Variants in NDUFAF6 observed in about 807,000 individuals in gnomAD.
NDUFAF6 encodes the protein NADH dehydrogenase (ubiquinone) complex I, assembly factor 6.
In NDUFAF6, 45 loss-of-function variants were observed where a neutral mutation model predicts 40.8. The ratio of observed to expected loss-of-function variants is 1.10; its 90% confidence interval spans 0.87 to 1.42. The LOEUF (loss-of-function observed/expected upper bound fraction) is 1.42. Ranked by LOEUF, NDUFAF6 falls within the 40% of genes most tolerant of loss-of-function variation. The probability of loss-of-function intolerance (pLI) is 0.00; values close to 1 mark genes in which losing one functional copy is unlikely to be tolerated. For synonymous variants in NDUFAF6, 185 were observed against 155.9 expected (o/e 1.19, Z -1.39); for missense variants, 435 against 418.5 (o/e 1.04, Z -0.34).
At chr8:94,937,628 C>CCACAT (rs1563728112) in intron 1 of NDUFAF6, among the ~76,000 whole-genome samples, 1 of 151,984 alleles carries the variant, frequency 6.6e-6, no homozygotes, top group East Asian at 1.9e-4. Flanking sequence ...TTTTTCTTTC[C>CCACAT]CACATCACCT....
intron 2 of NDUFAF6, chr8:95,085,723 A>G (rs1020739773): frequency 1.3e-5 from 2 of 152,316 alleles, no homozygotes; most frequent in East Asian, 3.9e-4. Context: ...CCTTAAAAGA[A>G]TGCTTTGCTT....
chr8:95,068,876 C>T (rs1176577023), intron 9 of NDUFAF6: 1 of 151,674 alleles, frequency 6.6e-6, no homozygotes, highest in African/African-American at 2.4e-5. Context: ...TTTTTTTCAG[C>T]CCCAAAGACC....
intron 4 of NDUFAF6, among the ~76,000 whole-genome samples, chr8:95,042,566 A>T (rs1188190794): frequency 6.6e-6 from 1 of 152,204 alleles, no homozygotes; most frequent in Non-Finnish European, 1.5e-5. Context: ...CTGTGAACAA[A>T]CATTGATCTA....
chr8:95,117,788 T>C (rs565666128), downstream of NDUFAF6, among the ~76,000 whole-genome samples: 24 of 152,172 alleles, frequency 1.6e-4, no homozygotes, highest in Non-Finnish European at 2.4e-4. Context: ...AGAGTGATAG[T>C]GGAGGCCAGA....
chr8:95,048,084 C>T (rs983637137), intron 6 of NDUFAF6, among the ~76,000 whole-genome samples: 1 of 152,026 alleles, frequency 6.6e-6, no homozygotes, highest in Non-Finnish European at 1.5e-5. Context: ...GTCCCAGCTA[C>T]TCAGGAGGCC....
rs1465357315 is a variant in NDUFAF6, at chr8:95,064,083, G to A, written c.*512-11550G>A. The stretch of plus-strand genomic sequence containing the variant: ...TTTTTTGGATTTTTACTAGAGACAG[G>A]GTTTCACCGTGTTAGCCAGGATGGT... On this transcript the variant is annotated intron_variant and NMD_transcript_variant, in intron 9 of 9. Transcript: ENST00000520757. Among the ~76,000 whole-genome samples, 3 of 146,010 alleles carry A rather than the reference G, an allele frequency of 2.1e-5. No homozygotes were observed. In the South Asian group the frequency reaches 6.6e-4, roughly 32 times the overall value.
chr8:94,901,212 T>C (rs1285081686), intron 1 of NDUFAF6, among the ~76,000 whole-genome samples: 1 of 152,026 alleles, frequency 6.6e-6, no homozygotes, highest in Non-Finnish European at 1.5e-5. Context: ...GGCTGGAACG[T>C]AGTGAGCAAG....
At chr8:95,078,658 A>ATATATATATATATATATATATAT, downstream of NDUFAF6, 1 of 62,636 alleles carries the variant, frequency 1.6e-5, no homozygotes. Context: ...TTAAAAAAAA[A>ATATATATATATATATATATATAT]AAAAATATAT....
rs1830859887 is a variant in NDUFAF6 at position 95,047,092 on chromosome 8, A to G, written c.679A>G (p.Arg227Gly). ...LRATPYHGSR[R>G]KVFLPMDICM... ...AGCAACACCATATCATGGGAGCAGA[A>G]GAAAGGTGTTCCTTCCCATGGATAT... Residue 227 changes from arginine (R) to glycine (G), a missense_variant, in exon 6 of 9, where the codon AGA (arginine) becomes GGA (glycine). Coordinates refer to ENST00000396124, the MANE Select transcript of NDUFAF6 (RefSeq NM_152416.4). 1 of 1,614,216 alleles carries G rather than the reference A, an allele frequency of 6.2e-7. No individual in the cohort carries two copies. Among genetic ancestry groups the G allele is most frequent in the Non-Finnish European group, 8.5e-7 (1 of 1,180,028 alleles).
chr8:95,068,768 C>T (rs1015943362), intron 9 of NDUFAF6: 3 of 151,882 alleles, frequency 2.0e-5, no homozygotes, highest in African/African-American at 7.3e-5. Flanking sequence ...TGTCATCTCT[C>T]CTTCCATTCA....
chr8:95,031,755 C>T (rs1828872568), intron 1 of NDUFAF6, among the ~76,000 whole-genome samples: 1 of 152,164 alleles, frequency 6.6e-6, no homozygotes, highest in Non-Finnish European at 1.5e-5. Context: ...CACATGCCAC[C>T]ATGCCCGACT....
intron 1 of NDUFAF6, among the ~76,000 whole-genome samples, chr8:94,921,120 T>A (rs1043146797): frequency 2.6e-5 from 4 of 152,218 alleles, no homozygotes; most frequent in Non-Finnish European, 4.4e-5. Flanking sequence ...TTATCTCACA[T>A]AATAGTCCAA....
At chr8:94,940,300 T>C in intron 1 of NDUFAF6, 2 of 1,475,552 alleles carry the variant, frequency 1.4e-6, no homozygotes, top group Non-Finnish European at 1.8e-6. Context: ...TGGGCAGTCA[T>C]TATAAAGTCA....
At chr8:94,992,104 A>G (rs1314227919) in intron 2 of NDUFAF6, among the ~76,000 whole-genome samples, 1 of 152,210 alleles carries the variant, frequency 6.6e-6, no homozygotes, top group African/African-American at 2.4e-5. Flanking sequence ...CTACCCAGCA[A>G]TGTATGAGGG....
intron 2 of NDUFAF6, among the ~76,000 whole-genome samples, chr8:95,081,259 A>C (rs1234941638): frequency 7.1e-6 from 1 of 140,882 alleles, no homozygotes; most frequent in Non-Finnish European, 1.5e-5. Context: ...CTGCCTCCCA[A>C]GTTCAAGCAA....
At chr8:95,086,761 C>T (rs1809060010) in intron 2 of NDUFAF6, among the ~76,000 whole-genome samples, 1 of 152,096 alleles carries the variant, frequency 6.6e-6, no homozygotes, top group Non-Finnish European at 1.5e-5. Flanking sequence ...CCCACCACGC[C>T]CGGCTAATTT....
chr8:95,079,859 C>G (rs538475005), downstream of NDUFAF6, among the ~76,000 whole-genome samples: 6 of 151,638 alleles, frequency 4.0e-5, no homozygotes, highest in East Asian at 7.8e-4. Context: ...CCCACCACCA[C>G]GCCTGGCTAA....
chr8:95,042,662 A>G (rs1413061926), intron 4 of NDUFAF6, among the ~76,000 whole-genome samples: 21 of 152,356 alleles, frequency 1.4e-4, no homozygotes, highest in African/African-American at 4.8e-4. Context: ...ATGGAAATGC[A>G]AGGGACCCAG....
intron 2 of NDUFAF6, among the ~76,000 whole-genome samples, chr8:95,011,230 G>A (rs535581073): frequency 6.6e-6 from 1 of 152,298 alleles, no homozygotes; most frequent in Admixed American, 6.5e-5. Flanking sequence ...TGGAGGAGAC[G>A]CCACCTTTCA....
Sources: allele counts gnomAD v4.1 joint callset (sites outside exome capture counted in the v4.1 genomes callset), GRCh38; gene constraint gnomAD v4.1.1; transcripts MANE v1.5; gene names NCBI Gene and HGNC (gene_info 2026-07-23, HGNC 2026-07-21).